The following SOX6 variants were observed in gnomAD, a reference collection of about 807,000 sequenced individuals.
The protein encoded by SOX6 is transcription factor SOX-6.
Under a neutral mutation model 97.8 loss-of-function variants are expected in SOX6, and 11 were observed. That is an observed-to-expected ratio of 0.11 (90% CI 0.07 to 0.19). SOX6 has a LOEUF of 0.19. Among genes scored for constraint, SOX6 ranks in the 10% least tolerant of loss-of-function variants. The probability of loss-of-function intolerance (pLI) is 1.00; values close to 1 mark genes in which losing one functional copy is unlikely to be tolerated. For synonymous variants in SOX6, 360 were observed against 371.4 expected, an observed-to-expected ratio of 0.97 and a Z score of 0.35; for missense variants, 810 against 1,039.5, an observed-to-expected ratio of 0.78 and a Z score of 3.04.
intron 6 of SOX6, among the ~76,000 whole-genome samples, chr11:16,139,547 G>A (rs1053498319): frequency 6.6e-6 from 1 of 152,138 alleles, no homozygotes; most frequent in African/African-American, 2.4e-5. Flanking sequence ...ACCCCTTCAA[G>A]CTGGATGCTT....
intron 4 of SOX6, among the ~76,000 whole-genome samples, chr11:16,197,022 TG>T (rs1208559923): frequency 6.6e-6 from 1 of 151,856 alleles, no homozygotes; most frequent in African/African-American, 2.4e-5. Flanking sequence ...TTAGTAGAGA[TG>T]GGGTTTCACC....
At chr11:16,398,456 G>A (rs962039566) in intron 1 of SOX6, among the ~76,000 whole-genome samples, 30 of 151,394 alleles carry the variant, frequency 2.0e-4, no homozygotes, top group African/African-American at 6.5e-4. Flanking sequence ...GGGCAGAGTA[G>A]TAAGGGTCTA....
intron 2 of SOX6, among the ~76,000 whole-genome samples, chr11:16,338,773 A>G (rs1856541639): frequency 6.6e-6 from 1 of 152,054 alleles, no homozygotes; most frequent in South Asian, 2.1e-4. Context: ...TATTTGTACC[A>G]TTAAACTATT....
chr11:16,399,079 C>T (rs1262589963), intron 1 of SOX6, among the ~76,000 whole-genome samples: 1 of 151,192 alleles, frequency 6.6e-6, no homozygotes, highest in Non-Finnish European at 1.5e-5. Context: ...TCTACCACTT[C>T]CTAGATTTAC....
At chr11:16,311,605 G>A (rs1191396171) in intron 3 of SOX6, 1 of 152,092 alleles carries the variant, frequency 6.6e-6, no homozygotes, top group Non-Finnish European at 1.5e-5. Context: ...AGAAACTGAA[G>A]CAGAGAGATC....
chr11:16,368,950 T>C (rs1177186741), intron 1 of SOX6, among the ~76,000 whole-genome samples: 1 of 152,150 alleles, frequency 6.6e-6, no homozygotes, highest in Non-Finnish European at 1.5e-5. Context: ...AAAGTATGTA[T>C]ATAGGCCAGG....
At chr11:16,718,972 T>C (rs1351982649) in intron 2 of SOX6, among the ~76,000 whole-genome samples, 1 of 137,846 alleles carries the variant, frequency 7.3e-6, no homozygotes, top group African/African-American at 2.8e-5. Context: ...CCTTTATTTT[T>C]AAAATTAAAA....
chr11:15,981,650 A>G (rs1254266173), intron 15 of SOX6, among the ~76,000 whole-genome samples: 1 of 152,068 alleles, frequency 6.6e-6, no homozygotes, highest in Non-Finnish European at 1.5e-5. Flanking sequence ...ACAATACTTA[A>G]AAAAGCATGG....
intron 9 of SOX6, among the ~76,000 whole-genome samples, chr11:16,077,465 A>T (rs1257459099): frequency 6.6e-6 from 1 of 152,208 alleles, no homozygotes; most frequent in Non-Finnish European, 1.5e-5. Flanking sequence ...TGGGGCATAA[A>T]CCCAAATGAA....
chr11:16,296,442 G>T (rs1311660571), intron 3 of SOX6, among the ~76,000 whole-genome samples: 3 of 152,124 alleles, frequency 2.0e-5, no homozygotes, highest in Non-Finnish European at 4.4e-5. Context: ...GCAGAAGGAA[G>T]ATGGGCAACG....
chr11:16,215,347 C>A (rs1405812883), intron 4 of SOX6, among the ~76,000 whole-genome samples: 1 of 152,138 alleles, frequency 6.6e-6, no homozygotes, highest in East Asian at 1.9e-4. Flanking sequence ...GACAATCTTC[C>A]TTTAACTATT....
chr11:16,115,887 T>C (rs1011609615), intron 6 of SOX6, among the ~76,000 whole-genome samples: 3 of 152,230 alleles, frequency 2.0e-5, no homozygotes, highest in African/African-American at 7.2e-5. Context: ...AATAAATTCC[T>C]TCCTTCCTTT....
chr11:16,449,098 T>A (rs184731076), intron 1 of SOX6, among the ~76,000 whole-genome samples: 112 of 152,068 alleles, frequency 7.4e-4, no homozygotes, highest in African/African-American at 2.7e-3. Flanking sequence ...ACTTAACTAC[T>A]CTTACCTGTA....
chr11:16,574,293 A>C (rs978871566), intron 4 of SOX6, among the ~76,000 whole-genome samples: 1 of 152,162 alleles, frequency 6.6e-6, no homozygotes, highest in Non-Finnish European at 1.5e-5. Flanking sequence ...GGATTGACAA[A>C]CACATCAAAA....
intron 3 of SOX6, among the ~76,000 whole-genome samples, chr11:16,706,493 T>A (rs867361193): frequency 0.15 from 2,056 of 14,092 alleles, 643 homozygotes; most frequent in Non-Finnish European, 0.25. Flanking sequence ...TATATATATA[T>A]ATATATATAT....
intron 9 of SOX6, among the ~76,000 whole-genome samples, chr11:16,076,276 C>T (rs1402462526): frequency 1.8e-4 from 27 of 152,054 alleles, no homozygotes; most frequent in Non-Finnish European, 8.8e-5. Flanking sequence ...TAATTAAAGA[C>T]CTTCTGCAAA....
Position 16,417,930 on chromosome 11 carries a change from C to A in SOX6, c.-5+58385G>T, listed in dbSNP as rs1251624874. Among the ~76,000 whole-genome samples, 3 of 152,238 alleles carry A rather than the reference C, an allele frequency of 2.0e-5. No individual in the cohort carries two copies. The East Asian group carries it at 5.8e-4, about 29-fold the overall frequency. ...ACCAACACTCTCTCACTGGGTAAGC[C>A]ATTTTGAAATATTTAAACAAACGCT... On this transcript the variant is annotated intron_variant, in intron 1 of 15. Transcript: ENST00000396356.
intron 3 of SOX6, among the ~76,000 whole-genome samples, chr11:16,661,844 A>G (rs1029242546): frequency 2.0e-5 from 3 of 152,132 alleles, no homozygotes; most frequent in African/African-American, 7.2e-5. Context: ...TACAGGCTCT[A>G]GTCCTAATTG....
intron 3 of SOX6, among the ~76,000 whole-genome samples, chr11:16,700,262 C>T (rs1399756770): frequency 6.6e-6 from 1 of 152,000 alleles, no homozygotes; most frequent in Non-Finnish European, 1.5e-5. Context: ...GAAAAGGGTA[C>T]AGCACATGGA....
Sources: allele counts gnomAD v4.1 joint callset (sites outside exome capture counted in the v4.1 genomes callset), GRCh38; gene constraint gnomAD v4.1.1; transcripts MANE v1.5; gene names NCBI Gene and HGNC (gene_info 2026-07-23, HGNC 2026-07-21).